The following PRKG1 variants were observed in gnomAD, a reference collection of about 807,000 sequenced individuals.
PRKG1 encodes the protein protein kinase cGMP-dependent 1, also known as cGMP-dependent protein kinase 1.
Under a neutral mutation model 88.1 loss-of-function variants are expected in PRKG1, and 35 were observed. The observed-to-expected ratio is 0.40, with a 90% confidence interval of 0.30 to 0.53. PRKG1 has a LOEUF of 0.53. Ranked by LOEUF, PRKG1 falls within the 20% of genes least tolerant of loss-of-function variation. The pLI is 0.59. For synonymous variants in PRKG1, 303 were observed against 292.5 expected (o/e 1.04, Z -0.37); for missense variants, 540 against 839.8 (o/e 0.64, Z 4.41).
At chr10:52,076,132 C>T (rs1846623248) in intron 7 of PRKG1, among the ~76,000 whole-genome samples, 1 of 152,104 alleles carries the variant, frequency 6.6e-6, no homozygotes, top group Non-Finnish European at 1.5e-5. Context: ...GCACGACATA[C>T]AAAAATTAAG....
Position 51,589,233 on chromosome 10 carries a change from A to G in PRKG1, c.592+121397A>G, listed in dbSNP as rs572134673. On this transcript the variant is annotated intron_variant, in intron 3 of 17. Coordinates refer to ENST00000373980, the MANE Select transcript of PRKG1 (RefSeq NM_006258.4). ...CTGCTGAGGGAGGCTACAAGACAAA[A>G]CAAACAAGGGGGAAAAACCTGCCAT... Among the ~76,000 whole-genome samples, 8 of 152,326 alleles carry G rather than the reference A, an allele frequency of 5.3e-5. No homozygotes were observed. In the East Asian group the frequency reaches 1.5e-3, roughly 29 times the overall value.
At chr10:51,723,633 G>GAAAAAT (rs1842066120) in intron 3 of PRKG1, among the ~76,000 whole-genome samples, 1 of 131,296 alleles carries the variant, frequency 7.6e-6, no homozygotes, top group Non-Finnish European at 1.7e-5. Context: ...AAAAGAAAAA[G>GAAAAAT]TTATCTGATG....
At chr10:51,188,168 G>T (rs1837541941) in intron 2 of PRKG1, among the ~76,000 whole-genome samples, 1 of 152,006 alleles carries the variant, frequency 6.6e-6, no homozygotes, top group South Asian at 2.1e-4. Flanking sequence ...GACTGAGACA[G>T]CTGTGTTTAT....
At chr10:51,975,632 G>A (rs1366041084) in intron 5 of PRKG1, among the ~76,000 whole-genome samples, 2 of 152,222 alleles carry the variant, frequency 1.3e-5, no homozygotes, top group Non-Finnish European at 2.9e-5. Flanking sequence ...AAATTATGCA[G>A]AAGGTTAATT....
chr10:51,884,417 C>T (rs1186266881), intron 4 of PRKG1, among the ~76,000 whole-genome samples: 1 of 106,640 alleles, frequency 9.4e-6, no homozygotes, highest in Non-Finnish European at 1.8e-5. Flanking sequence ...TGCACTCCAG[C>T]CTGGGCGACA....
intron 2 of PRKG1, among the ~76,000 whole-genome samples, chr10:51,254,569 G>C (rs1839509449): frequency 6.6e-6 from 1 of 151,990 alleles, no homozygotes; most frequent in South Asian, 2.1e-4. Flanking sequence ...TAGCAGCAAA[G>C]AAAGCTATGG....
intron 3 of PRKG1, among the ~76,000 whole-genome samples, chr10:51,711,928 T>C (rs1053579492): frequency 1.3e-5 from 2 of 152,166 alleles, no homozygotes; most frequent in Admixed American, 6.5e-5. Context: ...TCCATATACA[T>C]TGTAGGGAAG....
At chr10:51,464,230 G>C (rs937790231) in intron 2 of PRKG1, among the ~76,000 whole-genome samples, 1 of 151,924 alleles carries the variant, frequency 6.6e-6, no homozygotes, top group Non-Finnish European at 1.5e-5. Flanking sequence ...AGAGTTTGCC[G>C]TGAGCCAAGA....
intron 3 of PRKG1, among the ~76,000 whole-genome samples, chr10:51,587,538 A>G (rs1838203495): frequency 6.6e-6 from 1 of 152,218 alleles, no homozygotes; most frequent in African/African-American, 2.4e-5. Flanking sequence ...CTGCTATTGA[A>G]TTCCAATACA....
Position 50,991,528 on chromosome 10 carries a change from C to T in PRKG1, c.150C>T (p.Pro50=), listed in dbSNP as rs755169334. Residue 50 remains proline (P), a synonymous_variant, in exon 1 of 18, where the codon CCC becomes CCT. Transcript: ENST00000401604. This position sits in a 1 kb window ranked among gnomAD's most constrained non-coding sequence, Gnocchi z 4.5. ...AATGCCAGTCGGTGCTCCCAGTGCCCTCGACCCACATCGGCCCCCGGACCA... is the reference window on the plus strand; with the variant it reads ...AATGCCAGTCGGTGCTCCCAGTGCCTTCGACCCACATCGGCCCCCGGACCA... 10 of 1,610,978 alleles carry T rather than the reference C, an allele frequency of 6.2e-6. No individual in the cohort carries two copies. The highest frequency in any genetic ancestry group is 5.9e-6 in the Non-Finnish European group (7 of 1,178,936).
chr10:52,157,324 T>G (rs969272091), intron 8 of PRKG1, among the ~76,000 whole-genome samples: 4 of 136,388 alleles, frequency 2.9e-5, no homozygotes, highest in Non-Finnish European at 6.1e-5. Flanking sequence ...TATATATATA[T>G]ATATATATAT....
At chr10:51,274,730 T>C (rs1251352179) in intron 2 of PRKG1, among the ~76,000 whole-genome samples, 1 of 152,174 alleles carries the variant, frequency 6.6e-6, no homozygotes, top group Non-Finnish European at 1.5e-5. Context: ...AAAAATCCAT[T>C]CCTAGTTCCT....
intron 8 of PRKG1, among the ~76,000 whole-genome samples, chr10:52,152,398 A>G (rs906859597): frequency 6.6e-6 from 1 of 152,144 alleles, no homozygotes; most frequent in African/African-American, 2.4e-5. Flanking sequence ...AGTGATTTTT[A>G]GCTAGTGGTG....
chr10:51,213,698 C>G (rs1378746683), intron 2 of PRKG1, among the ~76,000 whole-genome samples: 2 of 152,090 alleles, frequency 1.3e-5, no homozygotes, highest in Non-Finnish European at 2.9e-5. Flanking sequence ...GATAATATAA[C>G]TTATTTTAAA....
At chr10:51,618,333 C>A (rs1257868927) in intron 3 of PRKG1, among the ~76,000 whole-genome samples, 1 of 152,058 alleles carries the variant, frequency 6.6e-6, no homozygotes, top group Admixed American at 6.6e-5. Context: ...TATAAAGTAA[C>A]CCTACCCAAT....
chr10:52,214,992 T>C (rs1344844625), intron 9 of PRKG1, among the ~76,000 whole-genome samples: 1 of 149,580 alleles, frequency 6.7e-6, no homozygotes, highest in Non-Finnish European at 1.5e-5. Context: ...GTTTCTGCAA[T>C]AATTCACATG....
rs777385159 is a variant in PRKG1, at chr10:51,467,830, G to A, written c.586G>A (p.Val196Ile). Reference sequence around the variant, plus strand: ...TTACAACTGTACCCGGACAGCGACCGTCAAGAGTAAGACTATTTTCATATT... The same window carrying A: ...TTACAACTGTACCCGGACAGCGACCATCAAGAGTAAGACTATTTTCATATT... ...ILYNCTRTAT[V>I]KTLVNVKLWA... The change falls in exon 3 of 18, where the codon GTC (valine) becomes ATC (isoleucine). Residue 196 changes from valine to isoleucine, a missense_variant. Transcript: ENST00000373980. 12 of 1,607,818 alleles carry A rather than the reference G, an allele frequency of 7.5e-6. No individual in the cohort carries two copies. The highest frequency in any genetic ancestry group is 2.7e-5 in the African/African-American group (2 of 74,754).
intron 2 of PRKG1, among the ~76,000 whole-genome samples, chr10:51,454,103 A>G (rs569625873): frequency 1.3e-5 from 2 of 152,196 alleles, no homozygotes; most frequent in African/African-American, 4.8e-5. Context: ...CAACAGCACA[A>G]ACAAATGGAA....
At chr10:51,903,642 A>G (rs1041187276) in intron 4 of PRKG1, among the ~76,000 whole-genome samples, 10 of 152,224 alleles carry the variant, frequency 6.6e-5, no homozygotes, top group African/African-American at 2.2e-4. Context: ...TTTATTTGAC[A>G]TGCTTTATAA....
Sources: gnomAD v4.1 joint callset for allele counts (sites outside exome capture counted in the v4.1 genomes callset) on GRCh38, gnomAD v4.1.1 for gene constraint, Gnocchi (gnomAD v3.1) non-coding constraint, MANE v1.5 for transcripts, NCBI Gene and HGNC (gene_info 2026-07-23, HGNC 2026-07-21) for gene names.